NAPG: variants seen among roughly 807,000 people sequenced by gnomAD.
The protein encoded by NAPG is NSF attachment protein gamma.
Under a neutral mutation model 48.4 loss-of-function variants are expected in NAPG, and 25 were observed. The observed-to-expected ratio is 0.52, with a 90% confidence interval of 0.38 to 0.72. The LOEUF is 0.72. NAPG is among the 30% of genes least tolerant of loss of function. The pLI is 0.00. For missense variants in NAPG, 359 were observed against 372.5 expected, an observed-to-expected ratio of 0.96 and a Z score of 0.30; for synonymous variants, 139 against 127.2, an observed-to-expected ratio of 1.09 and a Z score of -0.62.
intron 2 of NAPG, among the ~76,000 whole-genome samples, chr18:10,531,232 A>T (rs1429481908): frequency 2.0e-5 from 3 of 152,182 alleles, no homozygotes; most frequent in Admixed American, 6.5e-5. Flanking sequence ...TCTTAACCTG[A>T]TACGCAAATC....
rs978637368 is a variant in NAPG at position 10,539,446 on chromosome 18, C to T, written c.259-316C>T. On this transcript the variant is annotated intron_variant, in intron 5 of 11. Coordinates refer to ENST00000322897, the MANE Select transcript of NAPG (RefSeq NM_003826.3). This position sits in a 1 kb window ranked among gnomAD's most constrained non-coding sequence, Gnocchi z 4.7. ...CAAACACCGCATGTTCTCACTCATA[C>T]GTGGGAATTGAACCACAAGGACACA... The T allele has an allele frequency of 4.9e-5, 12 of 244,666 alleles. No individual in the cohort carries two copies. Among genetic ancestry groups the T allele is most frequent in the East Asian group, 9.7e-5 (1 of 10,270 alleles). 15.2% of individuals were successfully genotyped at this position (244,666 alleles called of 1,614,324 possible).
At chr18:10,535,939 G>T (rs1253169384) in intron 5 of NAPG, among the ~76,000 whole-genome samples, 1 of 152,114 alleles carries the variant, frequency 6.6e-6, no homozygotes, top group Non-Finnish European at 1.5e-5. Flanking sequence ...TTCTCTTACG[G>T]CCAAAGAAGC....
In NAPG at chr18:10,532,655, A is replaced by G; in HGVS notation, c.125-56A>G. 3.0e-6 allele frequency: 4 copies of G among 1,329,138 alleles called. No individual in the cohort carries two copies. The South Asian group carries it at 3.9e-5, about 13-fold the overall frequency. The allele number at this position is 1,329,138 out of a possible 1,614,324, so 82.3% of individuals were successfully genotyped here. On this transcript the variant is annotated intron_variant, in intron 2 of 11. Transcript: ENST00000322897. Reference sequence around the variant, plus strand: ...TTCATATAAAATGCAGATTTCAGTAATGATTCATTTGAGGTTTTTAATGAT... The same window carrying G: ...TTCATATAAAATGCAGATTTCAGTAGTGATTCATTTGAGGTTTTTAATGAT...
intron 8 of NAPG, among the ~76,000 whole-genome samples, chr18:10,541,000 T>C (rs1208095663): frequency 6.6e-6 from 1 of 152,204 alleles, no homozygotes; most frequent in East Asian, 1.9e-4. Context: ...ATTGTAAGTC[T>C]GCAGATATCT....
Position 10,546,817 on chromosome 18 carries a change from C to T in NAPG, c.585+413C>T, listed in dbSNP as rs573930793. ...ACAATGAAAACTCCAAAAGAAACCCCGCCTTTCTAACCAGCAATGGGAGAA... is the reference window on the plus strand; with the variant it reads ...ACAATGAAAACTCCAAAAGAAACCCTGCCTTTCTAACCAGCAATGGGAGAA... On this transcript the variant is annotated intron_variant, in intron 9 of 11. Transcript: ENST00000322897. The surrounding 1 kb of genome is among the most constrained non-coding windows in gnomAD (Gnocchi z 4.0). 2.0e-5 allele frequency among the ~76,000 whole-genome samples: 3 copies of T among 152,278 alleles called. No homozygotes were observed. Among genetic ancestry groups the T allele is most frequent in the African/African-American group, 7.2e-5 (3 of 41,566 alleles).
rs1389025058 is a variant in NAPG, at chr18:10,539,776, A to G, written c.273A>G (p.Leu91=). The change falls in exon 6 of 12, where the codon CTA becomes CTG. Residue 91 remains leucine, a synonymous_variant. Coordinates refer to ENST00000322897, the MANE Select transcript of NAPG (RefSeq NM_003826.3). This position sits in a 1 kb window ranked among gnomAD's most constrained non-coding sequence, Gnocchi z 4.7. ...TTTGCCCAAAGGAGATGCAGAAACT[A>G]CCAGAGGCCGTTCAGCTAATTGAGA... The part of the protein sequence containing the change: ...AGMMLKEMQK[L]PEAVQLIEKA... The G allele has an allele frequency of 6.2e-7, 1 of 1,613,886 alleles. No individual in the cohort carries two copies. Among genetic ancestry groups the G allele is most frequent in the Non-Finnish European group, 8.5e-7 (1 of 1,179,874 alleles).
chr18:10,529,963 C>A (rs1173921006), intron 1 of NAPG, among the ~76,000 whole-genome samples: 2 of 151,922 alleles, frequency 1.3e-5, no homozygotes, highest in African/African-American at 4.8e-5. Context: ...CTATGCACAC[C>A]CAAATTTGAC....
intron 5 of NAPG, among the ~76,000 whole-genome samples, chr18:10,538,157 G>C (rs2143115169): frequency 6.6e-6 from 1 of 152,240 alleles, no homozygotes; most frequent in Non-Finnish European, 1.5e-5. Flanking sequence ...GAGATGTGTA[G>C]ATTAATAGTA....
In NAPG at chr18:10,550,492, A is replaced by G. The variant is rs1025073252; in HGVS notation, c.*272A>G. ...CATGTTTTAATACATTGATTAAAAA[A>G]TTTGCAAGCCAAATTATACATAAAT... On this transcript the variant is annotated 3_prime_UTR_variant, in exon 12 of 12. Coordinates refer to ENST00000322897, the MANE Select transcript of NAPG (RefSeq NM_003826.3). The G allele has an allele frequency of 4.9e-5, 14 of 284,958 alleles. No homozygotes were observed. The highest frequency in any genetic ancestry group is 8.4e-5 in the Non-Finnish European group (13 of 154,770). The allele number at this position is 284,958 out of a possible 1,614,324, so 17.7% of individuals were successfully genotyped here. A position where few individuals can be genotyped will look rare whatever the true frequency, so the allele number is the denominator to read the frequency against.
chr18:10,548,408 G>C lies in NAPG; in HGVS notation c.665+30G>C. Reference sequence around the variant, plus strand: ...GACGTTGTCTGGGCCCTCTTGACTTGCAGTGGCGACACCTCTGTGTCTACA... The same window carrying C: ...GACGTTGTCTGGGCCCTCTTGACTTCCAGTGGCGACACCTCTGTGTCTACA... On this transcript the variant is annotated intron_variant, in intron 10 of 11. Coordinates refer to ENST00000322897, the MANE Select transcript of NAPG (RefSeq NM_003826.3). The surrounding 1 kb of genome is among the most constrained non-coding windows in gnomAD (Gnocchi z 4.4). The C allele has an allele frequency of 6.4e-7, 1 of 1,556,654 alleles. No individual in the cohort carries two copies. The highest frequency in any genetic ancestry group is 8.9e-7 in the Non-Finnish European group (1 of 1,128,250).
chr18:10,544,556 A>G lies in NAPG; in HGVS notation c.507-1770A>G, dbSNP rs975764090. Among the ~76,000 whole-genome samples, 1 of 152,188 alleles carries G rather than the reference A, an allele frequency of 6.6e-6. No homozygotes were observed. The highest frequency in any genetic ancestry group is 2.4e-5 in the African/African-American group (1 of 41,440). On this transcript the variant is annotated intron_variant, in intron 8 of 11. Coordinates refer to ENST00000322897, the MANE Select transcript of NAPG (RefSeq NM_003826.3). This position sits in a 1 kb window ranked among gnomAD's most constrained non-coding sequence, Gnocchi z 5.1. ...CCCCATTGGTGGTTCACAGCATGGC[A>G]GTTTGCTGCTAATTCGAGACATCAG...
In NAPG at chr18:10,542,837, A is replaced by G. The variant is rs1489346404; in HGVS notation, c.506+2438A>G. Among the ~76,000 whole-genome samples, 2 of 152,116 alleles carry G rather than the reference A, an allele frequency of 1.3e-5. No individual in the cohort carries two copies. Among genetic ancestry groups the G allele is most frequent in the African/African-American group, 2.4e-5 (1 of 41,410 alleles). On this transcript the variant is annotated intron_variant, in intron 8 of 11. Transcript: ENST00000322897. The surrounding 1 kb of genome is among the most constrained non-coding windows in gnomAD (Gnocchi z 4.5). ...AGAAGTGATTCGTAGTTTCATTTAG[A>G]TTACATCTGGGAAAAGTCAGTCCAA...
In NAPG at chr18:10,543,544, G is replaced by A. The variant is rs1234808598; in HGVS notation, c.507-2782G>A. On this transcript the variant is annotated intron_variant, in intron 8 of 11. Coordinates refer to ENST00000322897, the MANE Select transcript of NAPG (RefSeq NM_003826.3). The surrounding 1 kb of genome is among the most constrained non-coding windows in gnomAD (Gnocchi z 4.4). ...ACATTTCTGTAGGTAGTTAAAAATA[G>A]GTTTTGGAGTTCAGGAAATAGTTGG... Among the ~76,000 whole-genome samples, 2 of 152,202 alleles carry A rather than the reference G, an allele frequency of 1.3e-5. No homozygotes were observed. Among genetic ancestry groups the A allele is most frequent in the Admixed American group, 6.5e-5 (1 of 15,278 alleles).
chr18:10,541,820 C>T (rs1370100048), intron 8 of NAPG, among the ~76,000 whole-genome samples: 1 of 152,178 alleles, frequency 6.6e-6, no homozygotes, highest in East Asian at 1.9e-4. Flanking sequence ...GCATCAGCTC[C>T]CCTGAAGTAT....
intron 1 of NAPG, 108 bp from the exon 2 acceptor site, chr18:10,530,662 T>G (rs1598409055): frequency 1.5e-6 from 1 of 680,920 alleles, no homozygotes. Flanking sequence ...GCCTGATGGT[T>G]TCTCCTTTTT....
Position 10,546,392 on chromosome 18 carries a change from A to G in NAPG, c.573A>G (p.Pro191=). The G allele has an allele frequency of 6.5e-7, 1 of 1,542,432 alleles. No homozygotes were observed. Among genetic ancestry groups the G allele is most frequent in the Non-Finnish European group, 8.8e-7 (1 of 1,131,706 alleles). The change falls in exon 9 of 12, where the codon CCA becomes CCG. Residue 191 remains proline (P), a synonymous_variant. Transcript: ENST00000322897. This position sits in a 1 kb window ranked among gnomAD's most constrained non-coding sequence, Gnocchi z 4.0. ...TTTATAAGGAAATTGAGAATTATCC[A>G]ACTTGTTATAAGGTATTCTTTGAAA... ...KNIYKEIENY[P]TCYKKTIAQV...
Position 10,545,504 on chromosome 18 carries a change from T to C in NAPG, c.507-822T>C, listed in dbSNP as rs557930235. Among the ~76,000 whole-genome samples the C allele has an allele frequency of 9.8e-5, 15 of 152,302 alleles. No homozygotes were observed. In the South Asian group the frequency reaches 3.1e-3, roughly 32 times the overall value. On this transcript the variant is annotated intron_variant, in intron 8 of 11. Transcript: ENST00000322897. ...GGTAGTTTCTCCCATAACCGTGGAC[T>C]GTTATTGGGATGAGAGCAGTGGCTA...
chr18:10,535,533 G>A (rs2032013617), intron 5 of NAPG, among the ~76,000 whole-genome samples: 1 of 152,160 alleles, frequency 6.6e-6, no homozygotes. Flanking sequence ...GGCCAACGTG[G>A]GTGGATTACC....
At chr18:10,526,338 A>T (rs1319263368) in intron 1 of NAPG, 180 bp downstream of exon 1, 6 of 610,380 alleles carry the variant, frequency 9.8e-6, no homozygotes, top group African/African-American at 7.7e-5. Flanking sequence ...GGTCGGGGTC[A>T]GCTCTGCGGC....
Sources: allele counts gnomAD v4.1 joint callset (sites outside exome capture counted in the v4.1 genomes callset), GRCh38; gene constraint gnomAD v4.1.1; non-coding constraint Gnocchi (gnomAD v3.1); transcripts MANE v1.5; gene names NCBI Gene and HGNC (gene_info 2026-07-23, HGNC 2026-07-21).